MAMDC2: variants seen among roughly 807,000 people sequenced by gnomAD.
MAMDC2 encodes MAM domain containing 2, also known as MAM domain-containing protein 2.
A neutral mutation model predicts 89.8 loss-of-function variants in MAMDC2; 57 were observed. That is an observed-to-expected ratio of 0.63 (90% CI 0.51 to 0.79). The LOEUF is 0.79. Among genes scored for constraint, MAMDC2 ranks in the 30% least tolerant of loss-of-function variants. The probability of loss-of-function intolerance (pLI) is 0.00; values close to 1 mark genes in which losing one functional copy is unlikely to be tolerated. For missense variants in MAMDC2, 800 were observed against 820.6 expected (o/e 0.97, Z 0.31); for synonymous variants, 313 against 293.4 (o/e 1.07, Z -0.68).
At chr9:70,110,631 G>C (rs1278282936) in intron 4 of MAMDC2, among the ~76,000 whole-genome samples, 1 of 152,204 alleles carries the variant, frequency 6.6e-6, no homozygotes, top group Non-Finnish European at 1.5e-5. Flanking sequence ...GTTTGTGATG[G>C]AAGAGTGTGG....
At chr9:70,156,009 T>G (rs2031751593) in intron 9 of MAMDC2, among the ~76,000 whole-genome samples, 1 of 152,216 alleles carries the variant, frequency 6.6e-6, no homozygotes, top group Admixed American at 6.5e-5. Flanking sequence ...TAAATCAGAA[T>G]GTCATGTCAC....
chr9:70,108,009 TGTC>T (rs1175034480), intron 2 of MAMDC2, among the ~76,000 whole-genome samples, 199 bp from the exon 3 acceptor site: 6 of 152,194 alleles, frequency 3.9e-5, no homozygotes, highest in African/African-American at 9.6e-5. Flanking sequence ...TCCAGCCTGT[TGTC>T]ATCATCTGGT....
chr9:70,090,850 G>A (rs1020294653), intron 2 of MAMDC2: 7 of 152,098 alleles, frequency 4.6e-5, no homozygotes. Context: ...GGAAAATTAT[G>A]CATCACAAGG....
At chr9:70,192,302 A>G (rs1023785711) in intron 11 of MAMDC2, among the ~76,000 whole-genome samples, 2 of 151,888 alleles carry the variant, frequency 1.3e-5, no homozygotes, top group Admixed American at 6.6e-5. Flanking sequence ...GACAGAGGGG[A>G]TGTCTTTGGT....
intron 4 of MAMDC2, 39 bp downstream of exon 4, chr9:70,109,843 C>A: frequency 6.5e-7 from 1 of 1,547,206 alleles, no homozygotes; most frequent in Non-Finnish European, 8.9e-7. Flanking sequence ...AATTGTGAAT[C>A]TTTTTCTAAA....
intron 9 of MAMDC2, chr9:70,153,068 G>A (rs965173136): frequency 6.6e-6 from 1 of 152,114 alleles, no homozygotes; most frequent in Non-Finnish European, 1.5e-5. Context: ...AATCAGGTCA[G>A]AATTAAACCT....
At chr9:70,175,270 C>T (rs1217798333) in intron 11 of MAMDC2, among the ~76,000 whole-genome samples, 1 of 152,130 alleles carries the variant, frequency 6.6e-6, no homozygotes, top group Non-Finnish European at 1.5e-5. Context: ...GCACATTTGA[C>T]CAGCAACCAT....
chr9:70,095,686 G>A (rs901355272), intron 2 of MAMDC2, among the ~76,000 whole-genome samples: 2 of 152,216 alleles, frequency 1.3e-5, no homozygotes, highest in Non-Finnish European at 2.9e-5. Context: ...GCCAGAGTGA[G>A]AGACTTGGGA....
intron 7 of MAMDC2, among the ~76,000 whole-genome samples, chr9:70,132,853 T>C (rs1587500802): frequency 6.6e-6 from 1 of 152,282 alleles, no homozygotes; most frequent in East Asian, 1.9e-4. Context: ...GCTAAACTGT[T>C]ACCCCAAAAC....
At chr9:70,073,558 G>A (rs2975907) in intron 2 of MAMDC2, among the ~76,000 whole-genome samples, 50,752 of 152,056 alleles carry the variant, frequency 0.33, 9,823 homozygotes, top group African/African-American at 0.54. Flanking sequence ...GGTTTTGGCC[G>A]AGGACATTGA....
chr9:70,202,115 T>C (rs1386392904), intron 11 of MAMDC2, among the ~76,000 whole-genome samples: 2 of 152,064 alleles, frequency 1.3e-5, no homozygotes, highest in Non-Finnish European at 2.9e-5. Flanking sequence ...GTGTTTGCTC[T>C]TGCTTTTCTG....
At chr9:70,153,499 T>A (rs2031645159) in intron 9 of MAMDC2, 1 of 152,340 alleles carries the variant, frequency 6.6e-6, no homozygotes, top group Non-Finnish European at 1.5e-5. Context: ...AGCTAGCCTT[T>A]CCTTTAACAA....
chr9:70,068,654 G>A (rs1261393611), intron 2 of MAMDC2, among the ~76,000 whole-genome samples: 6 of 149,060 alleles, frequency 4.0e-5, no homozygotes, highest in African/African-American at 1.5e-4. Flanking sequence ...TTGAACCCGG[G>A]AGGCAGAGGT....
At position 70,162,991 on chromosome 9, in the gene MAMDC2, G is replaced by A. The variant is rs1311719223; in HGVS notation, c.1405-5711G>A. ...GCTCAGTGACCTTTTAGGTTCTGCT[G>A]CCTGTCATTATGTTGTTTCTAGAGA... On this transcript the variant is annotated intron_variant, in intron 9 of 13. Coordinates refer to ENST00000377182, the MANE Select transcript of MAMDC2 (RefSeq NM_153267.5). Among the ~76,000 whole-genome samples, 5 of 151,764 alleles carry A rather than the reference G, an allele frequency of 3.3e-5. No individual in the cohort carries two copies. The East Asian group carries it at 9.7e-4, about 29-fold the overall frequency.
At chr9:70,154,181 A>G (rs2281935) in intron 9 of MAMDC2, 96,640 of 152,066 alleles carry the variant, frequency 0.64, 31,453 homozygotes, top group Non-Finnish European at 0.7. Context: ...GCTTCTGGAG[A>G]ATACGGCTCC....
intron 11 of MAMDC2, among the ~76,000 whole-genome samples, chr9:70,184,163 A>G (rs2032700869): frequency 6.6e-6 from 1 of 152,180 alleles, no homozygotes; most frequent in African/African-American, 2.4e-5. Context: ...TGGATATGAA[A>G]TTCTGGGTTG....
At position 70,197,099 on chromosome 9, in the gene MAMDC2, G is replaced by T. The variant is rs150081918; in HGVS notation, c.1652-21238G>T. On this transcript the variant is annotated intron_variant, in intron 11 of 13. Coordinates refer to ENST00000377182, the MANE Select transcript of MAMDC2 (RefSeq NM_153267.5). ...TATTGCCTCTGAATACAACCTCACT[G>T]CTTCAGCCTTTTACCATCACTGAAT... 3.4e-4 allele frequency among the ~76,000 whole-genome samples: 52 copies of T among 152,180 alleles called. 1 individual carries two copies. The highest frequency in any genetic ancestry group is 1.2e-3 in the African/African-American group (49 of 41,516).
chr9:70,180,233 T>C (rs1395559575), intron 11 of MAMDC2, among the ~76,000 whole-genome samples: 2 of 152,218 alleles, frequency 1.3e-5, no homozygotes, highest in Non-Finnish European at 2.9e-5. Flanking sequence ...ATGGGGTATA[T>C]GTGCCACATT....
intron 2 of MAMDC2, among the ~76,000 whole-genome samples, chr9:70,053,010 G>T (rs942755178): frequency 1.3e-5 from 2 of 152,208 alleles, no homozygotes; most frequent in African/African-American, 4.8e-5. Context: ...GAGTGGCACT[G>T]CTGGGGCTGG....
Sources: gnomAD v4.1 joint callset for allele counts (sites outside exome capture counted in the v4.1 genomes callset) on GRCh38, gnomAD v4.1.1 for gene constraint, MANE v1.5 for transcripts, NCBI Gene and HGNC (gene_info 2026-07-23, HGNC 2026-07-21) for gene names.